The following RANBP2 variants were observed in gnomAD, a reference collection of about 807,000 sequenced individuals.
RANBP2 encodes RAN binding protein 2, also known as E3 SUMO-protein ligase RanBP2.
RANBP2 carries 57 observed loss-of-function variants against 303.6 expected under a neutral mutation model. That is an observed-to-expected ratio of 0.19 (90% CI 0.15 to 0.23). The LOEUF (loss-of-function observed/expected upper bound fraction) is 0.23, where lower values mean the gene tolerates loss of function less well. RANBP2 is among the 10% of genes least tolerant of loss of function. The pLI, the probability that RANBP2 is intolerant of heterozygous loss-of-function variation, is 1.00. For synonymous variants in RANBP2, 1,167 were observed against 1,301.5 expected (o/e 0.90, Z 2.23); for missense variants, 3,138 against 3,780.8 (o/e 0.83, Z 4.46).
chr2:108,876,377 A>C, the RANBP2 span: 1 of 565,036 alleles, frequency 1.8e-6, no homozygotes, highest in Non-Finnish European at 2.9e-6. Context: ...AAAATAAATA[A>C]TTTTTTTGAA....
At chr2:109,174,527 A>G in the RANBP2 span, among the ~76,000 whole-genome samples, 1 of 152,344 alleles carries the variant, frequency 6.6e-6, no homozygotes, top group Admixed American at 6.5e-5. Flanking sequence ...CAGTCCTGGA[A>G]TCAAAGCCTG....
At chr2:108,771,282 G>A (rs933603949) in intron 20 of RANBP2, among the ~76,000 whole-genome samples, 6 of 151,302 alleles carry the variant, frequency 4.0e-5, no homozygotes, top group African/African-American at 1.5e-4. Flanking sequence ...AGTTTCATAT[G>A]TATAGTAATA....
chr2:109,306,807 T>C, the RANBP2 span, among the ~76,000 whole-genome samples: 2 of 152,234 alleles, frequency 1.3e-5, no homozygotes, highest in East Asian at 1.9e-4. Flanking sequence ...GACTGGTTGA[T>C]TACGTATTTC....
chr2:109,613,041 T>A, the RANBP2 span: 1 of 549,348 alleles, frequency 1.8e-6, no homozygotes, highest in Admixed American at 2.3e-5. Flanking sequence ...TATCAAAAAT[T>A]AAAAGGGAGA....
rs758480128 is a variant in RANBP2, at chr2:108,763,467, A to G, written c.2928A>G (p.Pro976=). ...VQQTSTNPPL[P]EPGYFTKPPI... is the part of the protein sequence containing the mutation. ...AGACAAGCACAAATCCACCTTTGCC[A>G]GAACCAGGATATTTCACAAAACCTC... Residue 976 remains proline (P), a synonymous_variant, in exon 20 of 29, where the codon CCA becomes CCG. Transcript: ENST00000283195. The G allele has an allele frequency of 6.8e-6, 11 of 1,614,114 alleles. No individual in the cohort carries two copies. Among genetic ancestry groups the G allele is most frequent in the Non-Finnish European group, 9.3e-6 (11 of 1,179,992 alleles).
chr2:109,778,301 G>A, the RANBP2 span, among the ~76,000 whole-genome samples: 2 of 137,284 alleles, frequency 1.5e-5, no homozygotes, highest in Non-Finnish European at 3.1e-5. Flanking sequence ...TTTGTAAAAT[G>A]CAGATAATGT....
chr2:108,867,223 A>G, the RANBP2 span, among the ~76,000 whole-genome samples: 1 of 152,170 alleles, frequency 6.6e-6, no homozygotes, highest in Non-Finnish European at 1.5e-5. Context: ...AAGAGGAATA[A>G]CTAAGTCTTT....
At chr2:109,733,857 G>A in the RANBP2 span, among the ~76,000 whole-genome samples, 5 of 149,514 alleles carry the variant, frequency 3.3e-5, no homozygotes, top group Non-Finnish European at 5.9e-5. Flanking sequence ...AGACAACAGA[G>A]CCAGATCCTG....
the RANBP2 span, among the ~76,000 whole-genome samples, chr2:109,564,779 A>G: frequency 4.5e-4 from 68 of 152,352 alleles, no homozygotes; most frequent in African/African-American, 1.6e-3. Flanking sequence ...TAGCCAATGA[A>G]TCACCAGGAA....
rs1675617020 is a variant in RANBP2, at chr2:108,748,951, G to A, written c.1095G>A (p.Lys365=). 1 of 1,611,836 alleles carries A rather than the reference G, an allele frequency of 6.2e-7. No homozygotes were observed. Among genetic ancestry groups the A allele is most frequent in the African/African-American group, 1.3e-5 (1 of 74,842 alleles). Residue 365 remains lysine, a synonymous_variant, in exon 9 of 29, where the codon AAG becomes AAA. Transcript: ENST00000283195. ...TGTTGCTAAACTTAAGTCGTGGCAA[G>A]CAAGATTTTTTAAAAGAGATTGTTG... ...GHMLLNLSRG[K]QDFLKEIVET...
chr2:108,834,976 C>T, the RANBP2 span, among the ~76,000 whole-genome samples: 1 of 152,344 alleles, frequency 6.6e-6, no homozygotes, highest in East Asian at 1.9e-4. Context: ...GTTGGCAGCT[C>T]TTCAATTGAA....
rs531942994 is a variant in RANBP2, at chr2:108,763,919, G to A, written c.3380G>A (p.Arg1127Gln). The A allele has an allele frequency of 4.1e-5, 66 of 1,613,768 alleles. No individual in the cohort carries two copies. The highest frequency in any genetic ancestry group is 5.5e-5 in the South Asian group (5 of 91,088). Reference sequence around the variant, plus strand: ...CAGCAAAAGAATTCTGGTTTTCGGCGAAGTGATGATATGTTTACTTTCCAT... The same window carrying A: ...CAGCAAAAGAATTCTGGTTTTCGGCAAAGTGATGATATGTTTACTTTCCAT... ...SSQQKNSGFR[R>Q]SDDMFTFHGP... Residue 1127 changes from arginine (R) to glutamine (Q), a missense_variant, in exon 20 of 29, where the codon CGA (arginine) becomes CAA (glutamine). Physicochemically the swap from Arg to Gln is conservative, Grantham distance 43. Around this residue, in one of 20 missense-constraint regions of RANBP2, gnomAD observed 403 missense variants for 376.7 expected, o/e 1.07. Coordinates refer to ENST00000283195, the MANE Select transcript of RANBP2 (RefSeq NM_006267.5).
the RANBP2 span, among the ~76,000 whole-genome samples, chr2:109,337,560 G>A: frequency 6.6e-6 from 1 of 152,200 alleles, no homozygotes; most frequent in Non-Finnish European, 1.5e-5. Context: ...CTGCCCAAGA[G>A]GTCTGTGGAG....
At chr2:108,848,289 G>T in the RANBP2 span, among the ~76,000 whole-genome samples, 1 of 152,148 alleles carries the variant, frequency 6.6e-6, no homozygotes, top group African/African-American at 2.4e-5. Flanking sequence ...GAAATAGAAG[G>T]GAATTAGGTG....
chr2:109,256,203 A>C, the RANBP2 span, among the ~76,000 whole-genome samples: 1 of 152,126 alleles, frequency 6.6e-6, no homozygotes, highest in South Asian at 2.1e-4. Context: ...TGGAGGTGAA[A>C]GGTAGACAAG....
the RANBP2 span, among the ~76,000 whole-genome samples, chr2:108,796,878 A>T: frequency 1.3e-5 from 2 of 150,706 alleles, no homozygotes; most frequent in Admixed American, 1.3e-4. Context: ...ATACAGTTAG[A>T]TAGGAGTAAG....
the RANBP2 span, among the ~76,000 whole-genome samples, chr2:109,360,063 C>CAA: frequency 7.4e-6 from 1 of 135,150 alleles, no homozygotes; most frequent in Admixed American, 7.6e-5. Context: ...TTCCTTGCAC[C>CAA]AAAAAAAAAA....
the RANBP2 span, among the ~76,000 whole-genome samples, chr2:109,629,325 A>G: frequency 1.4e-3 from 25 of 18,318 alleles, no homozygotes; most frequent in African/African-American, 7.0e-3. Flanking sequence ...ATATATATAT[A>G]TATATATATA....
chr2:109,120,784 T>A, the RANBP2 span, among the ~76,000 whole-genome samples: 7 of 151,842 alleles, frequency 4.6e-5, no homozygotes, highest in Non-Finnish European at 1.0e-4. Flanking sequence ...AGGGGTCCTG[T>A]TGACTTTCCC....
Sources: allele counts gnomAD v4.1 joint callset (sites outside exome capture counted in the v4.1 genomes callset), GRCh38; gene constraint gnomAD v4.1.1; regional missense constraint gnomAD v4.1.1; transcripts MANE v1.5; gene names NCBI Gene and HGNC (gene_info 2026-07-23, HGNC 2026-07-21).